Variants in ZMYM2 observed in about 807,000 individuals in gnomAD.
ZMYM2 encodes the protein zinc finger MYM-type containing 2.
A neutral mutation model predicts 162.8 loss-of-function variants in ZMYM2; 56 were observed. That is an observed-to-expected ratio of 0.34 (90% CI 0.28 to 0.43). The LOEUF is 0.43. ZMYM2 is among the 20% of genes least tolerant of loss of function. The probability of loss-of-function intolerance (pLI) is 1.00; values close to 1 mark genes in which losing one functional copy is unlikely to be tolerated. For missense variants in ZMYM2, 1,275 were observed against 1,621.8 expected, an observed-to-expected ratio of 0.79 and a Z score of 3.67; for synonymous variants, 510 against 541.6, an observed-to-expected ratio of 0.94 and a Z score of 0.81.
At chr13:19,874,471 G>A in the ZMYM2 span, among the ~76,000 whole-genome samples, 1 of 152,114 alleles carries the variant, frequency 6.6e-6, no homozygotes, top group African/African-American at 2.4e-5. Context: ...GGGCTCAGGA[G>A]ATCCTCCCAC....
chr13:20,083,214 C>T (rs1958024518), intron 23 of ZMYM2, among the ~76,000 whole-genome samples, 182 bp downstream of exon 23: 1 of 152,164 alleles, frequency 6.6e-6, no homozygotes, highest in Non-Finnish European at 1.5e-5. Context: ...AGGCAGGCGC[C>T]ACCATGCCTG....
At chr13:20,059,411 T>C in intron 15 of ZMYM2, 36 bp from the exon 16 acceptor site, 2 of 1,608,406 alleles carry the variant, frequency 1.2e-6, no homozygotes, top group Non-Finnish European at 8.5e-7. Flanking sequence ...TAAGTGTTAG[T>C]TAACATTGCT....
chr13:19,885,882 C>T, the ZMYM2 span, among the ~76,000 whole-genome samples: 9 of 91,984 alleles, frequency 9.8e-5, no homozygotes, highest in African/African-American at 4.2e-4. Context: ...TGTATATACA[C>T]ATATATATGT....
chr13:20,061,306 T>C (rs1375594863), intron 17 of ZMYM2, 82 bp downstream of exon 17: 4 of 1,448,814 alleles, frequency 2.8e-6, no homozygotes, highest in African/African-American at 1.4e-5. Flanking sequence ...TTCCAGGGCA[T>C]ATCATTTTGT....
chr13:19,890,202 C>G, the ZMYM2 span, among the ~76,000 whole-genome samples: 1 of 151,854 alleles, frequency 6.6e-6, no homozygotes, highest in African/African-American at 2.4e-5. Flanking sequence ...GAGTCTTGCT[C>G]TGTTACCCAG....
intron 2 of ZMYM2, among the ~76,000 whole-genome samples, chr13:19,980,752 C>CAA (rs914320015): frequency 0.021 from 665 of 30,962 alleles, 49 homozygotes; most frequent in African/African-American, 0.05. Flanking sequence ...GACTCCATCT[C>CAA]AAAAAAAAAA....
intron 21 of ZMYM2, among the ~76,000 whole-genome samples, chr13:20,076,654 G>T (rs1452058216): frequency 6.7e-6 from 1 of 150,012 alleles, no homozygotes; most frequent in Non-Finnish European, 1.5e-5. Flanking sequence ...GGAGGGATGT[G>T]TTTTTTAAGA....
At chr13:19,948,965 G>GT in the ZMYM2 span, among the ~76,000 whole-genome samples, 2 of 151,964 alleles carry the variant, frequency 1.3e-5, no homozygotes, top group Non-Finnish European at 2.9e-5. Context: ...ATGTGTTTTT[G>GT]TTTTGTTTTG....
the ZMYM2 span, among the ~76,000 whole-genome samples, chr13:19,873,497 C>T: frequency 6.6e-6 from 1 of 152,062 alleles, no homozygotes; most frequent in Non-Finnish European, 1.5e-5. Flanking sequence ...CAACCTCCGC[C>T]TCCCAGGTTC....
the ZMYM2 span, among the ~76,000 whole-genome samples, chr13:19,946,248 C>T: frequency 3.3e-5 from 5 of 152,162 alleles, no homozygotes; most frequent in African/African-American, 1.2e-4. Context: ...CCACTGAAAT[C>T]CTCTATTTAT....
At chr13:20,084,789 A>G (rs925373122) in intron 24 of ZMYM2, among the ~76,000 whole-genome samples, 19 of 152,226 alleles carry the variant, frequency 1.2e-4, no homozygotes, top group Non-Finnish European at 1.3e-4. Flanking sequence ...TCAGAAGGTC[A>G]GCATGAATTC....
chr13:19,872,398 A>T, the ZMYM2 span, among the ~76,000 whole-genome samples: 4 of 151,978 alleles, frequency 2.6e-5, no homozygotes, highest in Non-Finnish European at 5.9e-5. Flanking sequence ...GAAAATACAA[A>T]AATTAGCCAG....
At chr13:19,987,714 C>T (rs886197799) in intron 2 of ZMYM2, among the ~76,000 whole-genome samples, 4 of 151,256 alleles carry the variant, frequency 2.6e-5, no homozygotes, top group Non-Finnish European at 4.4e-5. Flanking sequence ...CTCCTGAGCT[C>T]AGACAATCTG....
the ZMYM2 span, among the ~76,000 whole-genome samples, chr13:19,915,779 C>G: frequency 6.7e-4 from 102 of 152,226 alleles, no homozygotes; most frequent in South Asian, 0.018. Flanking sequence ...GCTAGGATTA[C>G]AGGCATGAGC....
At chr13:20,037,362 C>T (rs975064574) in intron 12 of ZMYM2, among the ~76,000 whole-genome samples, 8 of 151,516 alleles carry the variant, frequency 5.3e-5, no homozygotes, top group East Asian at 1.9e-4. Flanking sequence ...ATTACAGGCG[C>T]GTGCCACCAC....
chr13:19,955,762 C>A (rs1174775129), upstream of ZMYM2, among the ~76,000 whole-genome samples: 1 of 152,172 alleles, frequency 6.6e-6, no homozygotes, highest in African/African-American at 2.4e-5. Flanking sequence ...GCTGGTACTA[C>A]AGGCGGGTGC....
chr13:19,978,644 A>G (rs540530034), intron 2 of ZMYM2, among the ~76,000 whole-genome samples: 1 of 151,832 alleles, frequency 6.6e-6, no homozygotes, highest in African/African-American at 2.4e-5. Flanking sequence ...GAAACTCCCG[A>G]CCTCAGGTGA....
intron 3 of ZMYM2, among the ~76,000 whole-genome samples, chr13:19,998,967 A>T (rs932049120): frequency 6.6e-6 from 1 of 152,250 alleles, no homozygotes; most frequent in Non-Finnish European, 1.5e-5. Context: ...TAGAAGTGGT[A>T]ACCTGAAAAG....
At chr13:19,891,355 C>T in the ZMYM2 span, among the ~76,000 whole-genome samples, 2 of 151,900 alleles carry the variant, frequency 1.3e-5, no homozygotes. Context: ...TGACCTTAAA[C>T]TTCCCAGCTT....
Sources: gnomAD v4.1 joint callset for allele counts (sites outside exome capture counted in the v4.1 genomes callset) on GRCh38, gnomAD v4.1.1 for gene constraint, MANE v1.5 for transcripts, NCBI Gene and HGNC (gene_info 2026-07-23, HGNC 2026-07-21) for gene names.